The following ITGB8 variants were observed in gnomAD, a reference collection of about 807,000 sequenced individuals.
The protein encoded by ITGB8 is integrin subunit beta 8, also known as integrin beta-8.
In ITGB8, 30 loss-of-function variants were observed where a neutral mutation model predicts 89.5. That is an observed-to-expected ratio of 0.34 (90% confidence interval 0.25 to 0.45). The LOEUF is 0.45. Among genes scored for constraint, ITGB8 ranks in the 20% least tolerant of loss-of-function variants. ITGB8 has a pLI of 1.00. For synonymous variants in ITGB8, 335 were observed against 320.4 expected, an observed-to-expected ratio of 1.05 and a Z score of -0.49; for missense variants, 836 against 933.3, an observed-to-expected ratio of 0.90 and a Z score of 1.36.
At chr7:20,357,547 A>G (rs1785340646) in intron 1 of ITGB8, among the ~76,000 whole-genome samples, 2 of 152,220 alleles carry the variant, frequency 1.3e-5, no homozygotes, top group South Asian at 2.1e-4. Context: ...CATAGATAAT[A>G]TTAATTATAA....
chr7:20,390,454 T>A (rs1786808918), intron 6 of ITGB8, among the ~76,000 whole-genome samples: 2 of 152,250 alleles, frequency 1.3e-5, no homozygotes, highest in South Asian at 4.1e-4. Flanking sequence ...TATGTAATCA[T>A]CAGATTTCTC....
chr7:20,329,968 G>A (rs1784319954), upstream of ITGB8, among the ~76,000 whole-genome samples: 1 of 151,216 alleles, frequency 6.6e-6, no homozygotes, highest in Non-Finnish European at 1.5e-5. Flanking sequence ...TGAGCTGCAA[G>A]CAGGCAGAAG....
chr7:20,395,354 A>G (rs757940598), intron 8 of ITGB8, among the ~76,000 whole-genome samples: 7 of 152,238 alleles, frequency 4.6e-5, no homozygotes, highest in Non-Finnish European at 8.8e-5. Context: ...ACAGTTACGT[A>G]AGGCAATAAT....
At chr7:20,359,690 T>TGG (rs1785427839) in intron 1 of ITGB8, among the ~76,000 whole-genome samples, 1 of 151,950 alleles carries the variant, frequency 6.6e-6, no homozygotes, top group East Asian at 1.9e-4. Context: ...TGTGTGTGTG[T>TGG]GGGAGAGAGA....
chr7:20,370,212 TAAGAA>T (rs1307266770), intron 3 of ITGB8, among the ~76,000 whole-genome samples: 4 of 151,792 alleles, frequency 2.6e-5, no homozygotes, highest in African/African-American at 9.7e-5. Context: ...CAAATCTAAT[TAAGAA>T]AAGAGGGCAA....
chr7:20,359,269 A>G (rs1406573934), intron 1 of ITGB8, among the ~76,000 whole-genome samples: 3 of 152,234 alleles, frequency 2.0e-5, no homozygotes, highest in Admixed American at 2.0e-4. Flanking sequence ...GCACATTATA[A>G]TACTTCTTCC....
At chr7:20,409,801 C>T (rs766122343) in intron 13 of ITGB8, 23 bp downstream of exon 13, 1 of 1,611,368 alleles carries the variant, frequency 6.2e-7, no homozygotes, top group Non-Finnish European at 8.5e-7. Context: ...TAAAAAAGAA[C>T]TGCTAACAGT....
At chr7:20,360,673 A>T (rs1029557485) in intron 1 of ITGB8, among the ~76,000 whole-genome samples, 7 of 151,190 alleles carry the variant, frequency 4.6e-5, no homozygotes, top group Non-Finnish European at 1.0e-4. Context: ...AAAGGACATT[A>T]TTTTTTTACG....
rs992993071 is a variant in ITGB8 at position 20,412,766 on chromosome 7, T to A, written c.*2769T>A. On this transcript the variant is annotated 3_prime_UTR_variant, in exon 14 of 14. Transcript: ENST00000222573. ...GAATAATTGATATCTTCCTGTGTAA[T>A]GATTTGTGAGATGAGAATTAATATT... 1 of 152,606 alleles carries A rather than the reference T, an allele frequency of 6.6e-6. No individual in the cohort carries two copies. Among genetic ancestry groups the A allele is most frequent in the African/African-American group, 2.4e-5 (1 of 41,446 alleles). 9.5% of individuals were successfully genotyped at this position (152,606 alleles called of 1,614,324 possible). A position where few individuals can be genotyped will look rare whatever the true frequency, so the allele number is the denominator to read the frequency against.
intron 3 of ITGB8, among the ~76,000 whole-genome samples, chr7:20,369,987 G>GA (rs1408880017): frequency 2.0e-5 from 3 of 151,072 alleles, no homozygotes; most frequent in Non-Finnish European, 4.4e-5. Flanking sequence ...TATTATTAAA[G>GA]AAAAATGAAT....
At chr7:20,337,093 A>G (rs1295709789) in intron 1 of ITGB8, among the ~76,000 whole-genome samples, 1 of 152,240 alleles carries the variant, frequency 6.6e-6, no homozygotes, top group East Asian at 1.9e-4. Context: ...AGTACTCTTT[A>G]ATCTTATTTT....
intron 1 of ITGB8, among the ~76,000 whole-genome samples, chr7:20,344,839 C>A (rs1269633447): frequency 6.6e-6 from 1 of 152,232 alleles, no homozygotes; most frequent in Non-Finnish European, 1.5e-5. Flanking sequence ...CATTCATCCT[C>A]TCCTTCAGTG....
At chr7:20,409,802 T>G (rs1310612873) in intron 13 of ITGB8, 24 bp downstream of exon 13, 4 of 1,611,462 alleles carry the variant, frequency 2.5e-6, no homozygotes, top group Admixed American at 3.3e-5. Context: ...AAAAAAGAAC[T>G]GCTAACAGTA....
At position 20,411,404 on chromosome 7, in the gene ITGB8, C is replaced by G. The variant is rs1787757404; in HGVS notation, c.*1407C>G. 6.6e-6 allele frequency: 1 copy of G among 152,348 alleles called. No homozygotes were observed. Among genetic ancestry groups the G allele is most frequent in the African/African-American group, 2.4e-5 (1 of 41,430 alleles). The allele number at this position is 152,348 out of a possible 1,614,324, so 9.4% of individuals were successfully genotyped here. A position where few individuals can be genotyped will look rare whatever the true frequency, so the allele number is the denominator to read the frequency against. The stretch of plus-strand genomic sequence containing the variant: ...TCCTGACCTCAGGTGATCTACCCTC[C>G]TCGGCCTCCCAGAGTGTTGGGATTA... On this transcript the variant is annotated 3_prime_UTR_variant, in exon 14 of 14. Transcript: ENST00000222573.
At chr7:20,393,094 G>C (rs751912157) in intron 7 of ITGB8, among the ~76,000 whole-genome samples, 4 of 152,218 alleles carry the variant, frequency 2.6e-5, no homozygotes, top group Non-Finnish European at 4.4e-5. Context: ...ATTTGCCCAA[G>C]GGTTTCTAAC....
rs1787725144 is a variant in ITGB8, at chr7:20,410,537, CCTTAAT to C, written c.*546_*551del. On this transcript the variant is annotated 3_prime_UTR_variant, in exon 14 of 14. Transcript: ENST00000222573. ...TCTTTCAAGAGGTGAACAGATACAACCTTAATCTTAAAAGATTATTGCTTTTTAAAG... is the reference window on the plus strand; with the variant it reads ...TCTTTCAAGAGGTGAACAGATACAACCTTAAAAGATTATTGCTTTTTAAAG... The C allele has an allele frequency of 6.6e-6, 1 of 152,420 alleles. No homozygotes were observed. The highest frequency in any genetic ancestry group is 2.4e-5 in the African/African-American group (1 of 41,440). The allele number at this position is 152,420 out of a possible 1,614,324, so 9.4% of individuals were successfully genotyped here. A position where few individuals can be genotyped will look rare whatever the true frequency, so the allele number is the denominator to read the frequency against.
intron 11 of ITGB8, 73 bp downstream of exon 11, chr7:20,404,926 T>C (rs1359556281): frequency 7.8e-7 from 1 of 1,289,288 alleles, no homozygotes; most frequent in Non-Finnish European, 1.1e-6. Context: ...ACTTCCTTAA[T>C]CTTAAACGTT....
intron 1 of ITGB8, among the ~76,000 whole-genome samples, chr7:20,359,733 A>G (rs1308129959): frequency 6.6e-6 from 1 of 152,124 alleles, no homozygotes; most frequent in Non-Finnish European, 1.5e-5. Flanking sequence ...GACTAATAGC[A>G]TTCAGTATAC....
intron 10 of ITGB8, among the ~76,000 whole-genome samples, chr7:20,402,804 CCATT>C (rs963313151): frequency 1.2e-4 from 18 of 152,136 alleles, no homozygotes; most frequent in Admixed American, 3.9e-4. Flanking sequence ...CACTCTTGGG[CCATT>C]CAATTTACTG....
Sources: gnomAD v4.1 joint callset for allele counts (sites outside exome capture counted in the v4.1 genomes callset) on GRCh38, gnomAD v4.1.1 for gene constraint, MANE v1.5 for transcripts, NCBI Gene and HGNC (gene_info 2026-07-23, HGNC 2026-07-21) for gene names.